Variants in MID1 observed in about 807,000 individuals in gnomAD.
MID1 encodes the protein E3 ubiquitin-protein ligase Midline-1.
Under a neutral mutation model 40.4 loss-of-function variants are expected in MID1, and 7 were observed. The ratio of observed to expected loss-of-function variants is 0.17; its 90% CI spans 0.10 to 0.33. MID1 has a LOEUF of 0.33. Among genes scored for constraint, MID1 ranks in the 10% least tolerant of loss-of-function variants. The pLI is 1.00. For synonymous variants in MID1, 229 were observed against 221.2 expected, an observed-to-expected ratio of 1.04 and a Z score of -0.31; for missense variants, 367 against 558.5, an observed-to-expected ratio of 0.66 and a Z score of 3.46.
At chrX:10,754,299 G>GTT (rs1268373586) in intron 1 of MID1, among the ~76,000 whole-genome samples, 4 of 102,180 alleles carry the variant, frequency 3.9e-5, no homozygotes, top group African/African-American at 1.7e-4. Flanking sequence ...AGACAAGAGA[G>GTT]TTTTTTTTTG....
chrX:10,786,487 T>G (rs766655900), intron 1 of MID1, among the ~76,000 whole-genome samples: 2 of 111,576 alleles, frequency 1.8e-5, no homozygotes, highest in African/African-American at 6.5e-5. Context: ...CAAAGGATTA[T>G]AAATCATGCT....
intron 9 of MID1, among the ~76,000 whole-genome samples, chrX:10,452,635 G>A (rs1928413253): frequency 8.9e-6 from 1 of 111,963 alleles, no homozygotes; most frequent in Non-Finnish European, 1.9e-5. Flanking sequence ...TAATCGTAGG[G>A]GGTGCCCCTT....
chrX:10,664,351 T>C (rs1297508134), intron 1 of MID1, among the ~76,000 whole-genome samples: 1 of 111,378 alleles, frequency 9.0e-6, no homozygotes, highest in African/African-American at 3.3e-5. Flanking sequence ...GTATTTTTAG[T>C]AGAGATGGTG....
chrX:10,567,442 G>T lies in MID1; in HGVS notation c.106C>A (p.Arg36Ser). 1 of 1,211,484 alleles carries T rather than the reference G, an allele frequency of 8.3e-7. No homozygotes were observed. Among genetic ancestry groups the T allele is most frequent in the Non-Finnish European group, 1.1e-6 (1 of 895,366 alleles). Residue 36 changes from arginine to serine, a missense_variant, in exon 2 of 10, where the codon CGC (arginine) becomes AGC (serine). Arg to Ser is a moderately radical substitution (Grantham distance 110). Around this residue, in one of 3 missense-constraint regions of MID1, gnomAD observed 78 missense variants for 112.6 expected, o/e 0.69. Transcript: ENST00000317552. Reference sequence around the variant, plus strand: ...GTGGCACAGTGTGATACTAGGATGCGGTGGGCGCAGTTGAAGCAGAGGCTG... The same window carrying T: ...GTGGCACAGTGTGATACTAGGATGCTGTGGGCGCAGTTGAAGCAGAGGCTG... ...AHSLCFNCAHRILVSHCATNE... is the reference protein window; with the variant it reads ...AHSLCFNCAHSILVSHCATNE...
At chrX:10,502,451 T>C (rs1250199200) in intron 3 of MID1, among the ~76,000 whole-genome samples, 1 of 111,689 alleles carries the variant, frequency 9.0e-6, no homozygotes, top group Non-Finnish European at 1.9e-5. Flanking sequence ...GGATATTCTA[T>C]TTCTGGGTGT....
At chrX:10,563,887 A>C (rs867435284) in intron 2 of MID1, among the ~76,000 whole-genome samples, 4 of 112,387 alleles carry the variant, frequency 3.6e-5, no homozygotes, top group Non-Finnish European at 5.6e-5. Context: ...TTTTTGTATA[A>C]ACAAACATCT....
chrX:10,737,415 T>C (rs116042196), intron 1 of MID1, among the ~76,000 whole-genome samples: 3,580 of 112,754 alleles, frequency 0.032, 118 homozygotes, highest in African/African-American at 0.11. Flanking sequence ...GCTGCCCCAG[T>C]TGCCATGTTT....
At chrX:10,724,010 C>T (rs753895639) in intron 1 of MID1, among the ~76,000 whole-genome samples, 1 of 111,995 alleles carries the variant, frequency 8.9e-6, no homozygotes, top group East Asian at 2.8e-4. Flanking sequence ...TTGGCTGGAC[C>T]ATCTTCAGTG....
chrX:10,527,192 A>T (rs1462559409), intron 2 of MID1, among the ~76,000 whole-genome samples: 3 of 111,771 alleles, frequency 2.7e-5, no homozygotes, highest in African/African-American at 9.8e-5. Context: ...GCACAAGAAA[A>T]ATTGGTTTTA....
At chrX:10,464,670 C>T (rs1025459424) in intron 7 of MID1, among the ~76,000 whole-genome samples, 1 of 112,072 alleles carries the variant, frequency 8.9e-6, no homozygotes, top group Non-Finnish European at 1.9e-5. Flanking sequence ...AGATGTGCAG[C>T]AGTCGGGTTG....
At chrX:10,732,221 G>A (rs1368972666) in intron 1 of MID1, among the ~76,000 whole-genome samples, 1 of 110,790 alleles carries the variant, frequency 9.0e-6, no homozygotes, top group African/African-American at 3.3e-5. Flanking sequence ...AGAAAAATAA[G>A]TGACAAATAA....
intron 2 of MID1, among the ~76,000 whole-genome samples, chrX:10,545,323 A>G (rs929087620): frequency 3.6e-5 from 4 of 112,198 alleles, no homozygotes; most frequent in Non-Finnish European, 7.5e-5. Context: ...TCAACAAGAA[A>G]AAATACCTGG....
chrX:10,546,418 T>C (rs1349086398), intron 2 of MID1, among the ~76,000 whole-genome samples: 2 of 112,216 alleles, frequency 1.8e-5, no homozygotes, highest in Non-Finnish European at 3.8e-5. Context: ...TCGCTGGCAT[T>C]TAATGACCAC....
chrX:10,603,660 A>T (rs1396559177), intron 1 of MID1, among the ~76,000 whole-genome samples: 1 of 111,782 alleles, frequency 8.9e-6, no homozygotes, highest in Admixed American at 9.6e-5. Context: ...CAGAGAACAG[A>T]GTAACTGCAC....
intron 1 of MID1, among the ~76,000 whole-genome samples, chrX:10,589,058 C>G (rs769499753): frequency 5.3e-4 from 59 of 111,646 alleles, no homozygotes; most frequent in Non-Finnish European, 1.0e-3. Context: ...GCTCACACCA[C>G]ACGCACACCA....
At chrX:10,747,751 C>T (rs1211727867) in intron 1 of MID1, among the ~76,000 whole-genome samples, 1 of 112,163 alleles carries the variant, frequency 8.9e-6, no homozygotes, top group Non-Finnish European at 1.9e-5. Context: ...TCATTAACTT[C>T]CCTGTTGTGT....
chrX:10,679,836 G>A (rs2043047567), intron 1 of MID1, among the ~76,000 whole-genome samples: 1 of 112,001 alleles, frequency 8.9e-6, no homozygotes, highest in Admixed American at 9.5e-5. Flanking sequence ...TGAAGGTAAT[G>A]CTGACCCCTT....
chrX:10,812,495 C>T (rs1173514429), intron 1 of MID1, among the ~76,000 whole-genome samples: 1 of 111,347 alleles, frequency 9.0e-6, no homozygotes, highest in Non-Finnish European at 1.9e-5. Flanking sequence ...TTTCTCTCTC[C>T]CTTGGTCCCT....
intron 4 of MID1, among the ~76,000 whole-genome samples, chrX:10,488,711 A>G (rs1030236048): frequency 9.0e-6 from 1 of 110,926 alleles, no homozygotes; most frequent in African/African-American, 3.3e-5. Flanking sequence ...GGGCTGGGGA[A>G]GGCAGACCCA....
Sources: allele counts gnomAD v4.1 joint callset (sites outside exome capture counted in the v4.1 genomes callset), GRCh38; gene constraint gnomAD v4.1.1; regional missense constraint gnomAD v4.1.1; transcripts MANE v1.5; gene names NCBI Gene and HGNC (gene_info 2026-07-23, HGNC 2026-07-21).